Variants in GATAD2A observed in about 807,000 individuals in gnomAD.
GATAD2A encodes transcriptional repressor p66-alpha.
GATAD2A carries 12 observed loss-of-function variants against 68.5 expected under a neutral mutation model. That is an observed-to-expected ratio of 0.18 (90% CI 0.11 to 0.28). The LOEUF is 0.28. GATAD2A is among the 10% of genes least tolerant of loss of function. The pLI is 1.00. For synonymous variants in GATAD2A, 410 were observed against 375.3 expected (o/e 1.09, Z -1.07); for missense variants, 755 against 868.5 (o/e 0.87, Z 1.64).
At chr19:19,487,600 C>T (rs996208239) in intron 2 of GATAD2A, among the ~76,000 whole-genome samples, 3 of 147,474 alleles carry the variant, frequency 2.0e-5, no homozygotes, top group Middle Eastern at 3.4e-3. Context: ...CCTGCACTCC[C>T]CCGAGTGGAA....
chr19:19,389,409 C>A (rs1470955425), intron 1 of GATAD2A, among the ~76,000 whole-genome samples: 1 of 152,200 alleles, frequency 6.6e-6, no homozygotes, highest in Non-Finnish European at 1.5e-5. Context: ...GGCAGTCTCT[C>A]TCCTGTTCAT....
rs149910184 is a variant in GATAD2A at position 19,475,705 on chromosome 19, C to T, written c.269+10091C>T. On this transcript the variant is annotated intron_variant, in intron 2 of 11. Coordinates refer to ENST00000683918, the MANE Select transcript of GATAD2A (RefSeq NM_001384528.1). Reference sequence around the variant, plus strand: ...TTCCCTTGGGAATCTGTTTTGTGCTCCCTTCCCTGCCTTAGCCGCTGCCCC... The same window carrying T: ...TTCCCTTGGGAATCTGTTTTGTGCTTCCTTCCCTGCCTTAGCCGCTGCCCC... Among the ~76,000 whole-genome samples, 569 of 152,258 alleles carry T rather than the reference C, an allele frequency of 3.7e-3. 2 individuals are homozygous for T. The highest frequency in any genetic ancestry group is 6.0e-3 in the South Asian group (29 of 4,822).
intron 2 of GATAD2A, among the ~76,000 whole-genome samples, chr19:19,487,310 C>T (rs982933295): frequency 9.9e-5 from 15 of 152,118 alleles, no homozygotes; most frequent in Admixed American, 3.3e-4. Flanking sequence ...GGTGCTGTGC[C>T]GGTGCCACAC....
chr19:19,493,118 T>C (rs1424651096), intron 4 of GATAD2A, among the ~76,000 whole-genome samples: 1 of 152,116 alleles, frequency 6.6e-6, no homozygotes, highest in African/African-American at 2.4e-5. Flanking sequence ...TTTTTGTGTT[T>C]TTAGTGGAGA....
upstream of GATAD2A, among the ~76,000 whole-genome samples, chr19:19,401,448 C>T (rs762607332): frequency 3.9e-5 from 6 of 152,086 alleles, no homozygotes; most frequent in East Asian, 1.9e-4. Flanking sequence ...CTCCTGATCT[C>T]GTGATCCACC....
At chr19:19,394,760 A>G (rs1017105634) in intron 1 of GATAD2A, among the ~76,000 whole-genome samples, 2 of 152,088 alleles carry the variant, frequency 1.3e-5, no homozygotes, top group South Asian at 2.1e-4. Context: ...TTCCTCTTAC[A>G]CTGGGACTGG....
chr19:19,425,064 T>TAA (rs529552728), intron 1 of GATAD2A, among the ~76,000 whole-genome samples: 50 of 96,136 alleles, frequency 5.2e-4, no homozygotes, highest in East Asian at 3.5e-3. Context: ...TGTGCAACAA[T>TAA]AAAAAAAAAA....
intron 1 of GATAD2A, among the ~76,000 whole-genome samples, chr19:19,459,663 T>C (rs1055153796): frequency 6.6e-6 from 1 of 152,164 alleles, no homozygotes; most frequent in African/African-American, 2.4e-5. Flanking sequence ...TGATAAACAC[T>C]GTGGAAGAAG....
At chr19:19,452,784 G>A (rs2056524075) in intron 1 of GATAD2A, among the ~76,000 whole-genome samples, 1 of 152,138 alleles carries the variant, frequency 6.6e-6, no homozygotes, top group South Asian at 2.1e-4. Flanking sequence ...TGTGGGACAG[G>A]ACATGATATA....
chr19:19,415,148 C>CTT (rs57295102), intron 1 of GATAD2A, among the ~76,000 whole-genome samples: 20,924 of 126,104 alleles, frequency 0.17, 1,697 homozygotes, highest in Middle Eastern at 0.29. Context: ...GATGTCTTTA[C>CTT]TTTTTTTTTT....
chr19:19,489,591 G>T (rs571496044), intron 2 of GATAD2A, among the ~76,000 whole-genome samples: 1 of 152,254 alleles, frequency 6.6e-6, no homozygotes, highest in Non-Finnish European at 1.5e-5. Context: ...AGGGAGCGCT[G>T]TGGGCAGAGC....
At chr19:19,477,566 G>C (rs1885801532) in intron 2 of GATAD2A, among the ~76,000 whole-genome samples, 1 of 152,180 alleles carries the variant, frequency 6.6e-6, no homozygotes, top group Non-Finnish European at 1.5e-5. Flanking sequence ...ACCGGGTGCA[G>C]GGGTCAGAGT....
chr19:19,503,923 AG>A (rs1909879323), intron 11 of GATAD2A, among the ~76,000 whole-genome samples: 1 of 152,168 alleles, frequency 6.6e-6, no homozygotes, highest in African/African-American at 2.4e-5. Context: ...AAATACTCTT[AG>A]GGCCAGACAT....
chr19:19,431,232 G>C (rs1384041848), intron 1 of GATAD2A, among the ~76,000 whole-genome samples: 1 of 151,386 alleles, frequency 6.6e-6, no homozygotes, highest in African/African-American at 2.4e-5. Flanking sequence ...AGCGATTACA[G>C]TGTATTTTCA....
chr19:19,393,912 A>G (rs2049030374), intron 1 of GATAD2A, among the ~76,000 whole-genome samples: 2 of 145,382 alleles, frequency 1.4e-5, no homozygotes, highest in African/African-American at 4.9e-5. Flanking sequence ...TTTTGGAGAC[A>G]GTCTTGCTCT....
intron 2 of GATAD2A, among the ~76,000 whole-genome samples, chr19:19,489,535 C>A (rs1014026181): frequency 4.6e-5 from 7 of 152,210 alleles, no homozygotes; most frequent in African/African-American, 1.7e-4. Context: ...GTGGTGACAT[C>A]ATCTCTTGGA....
chr19:19,424,450 G>GA (rs1319508494), intron 1 of GATAD2A, among the ~76,000 whole-genome samples: 2 of 151,760 alleles, frequency 1.3e-5, no homozygotes, highest in Non-Finnish European at 2.9e-5. Context: ...GGCTGGTCTT[G>GA]AACTCCTGAG....
Position 19,505,697 on chromosome 19 carries a change from G to T in GATAD2A, c.*223G>T. 2.1e-6 allele frequency: 1 copy of T among 478,194 alleles called. No homozygotes were observed. The highest frequency in any genetic ancestry group is 3.6e-6 in the Non-Finnish European group (1 of 274,256). 29.6% of individuals were successfully genotyped at this position (478,194 alleles called of 1,614,324 possible). A position where few individuals can be genotyped will look rare whatever the true frequency, so the allele number is the denominator to read the frequency against. On this transcript the variant is annotated 3_prime_UTR_variant, in exon 12 of 12. Transcript: ENST00000683918. ...TCATAGGCAGACGAGGATCATCGCT[G>T]GGGGACCTTTCCCGTGGGCTTTCTT...
At chr19:19,399,146 C>A (rs1375217211) in intron 1 of GATAD2A, among the ~76,000 whole-genome samples, 21 of 152,152 alleles carry the variant, frequency 1.4e-4, no homozygotes, top group Admixed American at 1.4e-3. Flanking sequence ...ATTGCTTGAA[C>A]CTGAGAGGTG....
Sources: allele counts gnomAD v4.1 joint callset (sites outside exome capture counted in the v4.1 genomes callset), GRCh38; gene constraint gnomAD v4.1.1; transcripts MANE v1.5; gene names NCBI Gene and HGNC (gene_info 2026-07-23, HGNC 2026-07-21).